The following GLIS3 variants were observed in gnomAD, a reference collection of about 807,000 sequenced individuals.
GLIS3 encodes GLIS family zinc finger 3, also known as zinc finger protein GLIS3.
In GLIS3, 53 loss-of-function variants were observed where a neutral mutation model predicts 78.6. The ratio of observed to expected loss-of-function variants is 0.67; its 90% CI spans 0.54 to 0.85. The LOEUF (loss-of-function observed/expected upper bound fraction) is 0.85, where lower values mean the gene tolerates loss of function less well. Among genes scored for constraint, GLIS3 ranks in the 40% least tolerant of loss-of-function variants. The probability of loss-of-function intolerance (pLI) is 0.00; values close to 1 mark genes in which losing one functional copy is unlikely to be tolerated. For synonymous variants in GLIS3, 684 were observed against 509.9 expected (o/e 1.34, Z -4.60); for missense variants, 1,703 against 1,231.1 (o/e 1.38, Z -5.74).
intron 9 of GLIS3, among the ~76,000 whole-genome samples, chr9:3,831,411 C>G (rs534064602): frequency 2.6e-5 from 4 of 152,248 alleles, no homozygotes; most frequent in African/African-American, 7.2e-5. Context: ...CAAATCAAAA[C>G]AATGATAAAA....
chr9:3,965,040 C>T (rs1267477225), intron 4 of GLIS3, among the ~76,000 whole-genome samples: 1 of 151,960 alleles, frequency 6.6e-6, no homozygotes, highest in African/African-American at 2.4e-5. Flanking sequence ...AAATAAAATA[C>T]TCTGAGGGCC....
At chr9:3,986,792 C>A (rs1229415854) in intron 4 of GLIS3, among the ~76,000 whole-genome samples, 1 of 152,256 alleles carries the variant, frequency 6.6e-6, no homozygotes, top group Non-Finnish European at 1.5e-5. Context: ...CCCTTGGAAG[C>A]ACAGCCCACT....
intron 9 of GLIS3, among the ~76,000 whole-genome samples, chr9:3,844,528 G>C (rs544740761): frequency 3.2e-4 from 49 of 152,288 alleles, no homozygotes; most frequent in African/African-American, 1.1e-3. Context: ...GAAAGAAAAA[G>C]TGCTAAGTCT....
At chr9:3,835,827 C>T (rs1348076452) in intron 9 of GLIS3, among the ~76,000 whole-genome samples, 1 of 152,156 alleles carries the variant, frequency 6.6e-6, no homozygotes, top group Non-Finnish European at 1.5e-5. Context: ...ATTTACTTGA[C>T]AACTATTCAC....
At chr9:4,178,575 A>G (rs1463722292) in intron 2 of GLIS3, among the ~76,000 whole-genome samples, 1 of 152,264 alleles carries the variant, frequency 6.6e-6, no homozygotes, top group Non-Finnish European at 1.5e-5. Flanking sequence ...GGCTTGACCT[A>G]CATATACCTT....
chr9:4,297,323 G>A (rs988408183), intron 1 of GLIS3, among the ~76,000 whole-genome samples: 1 of 152,158 alleles, frequency 6.6e-6, no homozygotes, highest in Admixed American at 6.5e-5. Context: ...GAACTTTAAG[G>A]GTCTGCGACA....
At chr9:4,333,238 G>GACGGGAAGGAAAGGAAA (rs1554659424) in intron 2 of GLIS3, among the ~76,000 whole-genome samples, 1 of 145,308 alleles carries the variant, frequency 6.9e-6, no homozygotes, top group African/African-American at 2.6e-5. Flanking sequence ...AGGAAAAGTG[G>GACGGGAAGGAAAGGAAA]AGGGGAAGGA....
upstream of GLIS3, among the ~76,000 whole-genome samples, chr9:4,350,370 G>C (rs1050720210): frequency 7.9e-5 from 12 of 152,258 alleles, no homozygotes; most frequent in Admixed American, 2.6e-4. Context: ...ACATTTACTG[G>C]ATTTGACTTA....
intron 4 of GLIS3, among the ~76,000 whole-genome samples, chr9:4,065,094 T>C (rs956994096): frequency 1.3e-5 from 2 of 152,210 alleles, no homozygotes; most frequent in African/African-American, 4.8e-5. Context: ...GTCAAGAGTA[T>C]AGAGCTGGCT....
chr9:4,018,394 G>A (rs1020929023), intron 4 of GLIS3, among the ~76,000 whole-genome samples: 6 of 152,148 alleles, frequency 3.9e-5, no homozygotes, highest in Admixed American at 2.6e-4. Context: ...AAGTCACTAA[G>A]GAAGAAAGCA....
At chr9:4,363,975 G>A in the GLIS3 span, among the ~76,000 whole-genome samples, 19 of 152,170 alleles carry the variant, frequency 1.2e-4, no homozygotes, top group South Asian at 2.1e-4. Context: ...TCAAGAGTTC[G>A]CAATCTTTGG....
intron 4 of GLIS3, among the ~76,000 whole-genome samples, chr9:4,072,342 G>A (rs1384531407): frequency 6.6e-6 from 1 of 152,130 alleles, no homozygotes; most frequent in African/African-American, 2.4e-5. Context: ...ACTGTGAAAA[G>A]ATTCAAACTA....
chr9:3,992,265 T>C (rs994210938), intron 4 of GLIS3, among the ~76,000 whole-genome samples: 1 of 152,200 alleles, frequency 6.6e-6, no homozygotes, highest in Non-Finnish European at 1.5e-5. Context: ...AAGTAATTTT[T>C]TGGGGAAAAA....
intron 8 of GLIS3, among the ~76,000 whole-genome samples, chr9:3,869,522 G>A (rs192531866): frequency 6.6e-6 from 1 of 152,338 alleles, no homozygotes; most frequent in East Asian, 1.9e-4. Context: ...TTGTGTGCCT[G>A]AATGTATATA....
chr9:4,470,167 C>T, the GLIS3 span, among the ~76,000 whole-genome samples: 1 of 152,266 alleles, frequency 6.6e-6, no homozygotes, highest in South Asian at 2.1e-4. Flanking sequence ...CCGAATTCTA[C>T]CAGAGGTACA....
At chr9:4,397,016 CTTTTT>C in the GLIS3 span, among the ~76,000 whole-genome samples, 2 of 133,358 alleles carry the variant, frequency 1.5e-5, no homozygotes, top group African/African-American at 6.0e-5. Flanking sequence ...ATCCTTTTTT[CTTTTT>C]TTCTTTTTTT....
chr9:4,025,622 G>A (rs1388075531), intron 4 of GLIS3, among the ~76,000 whole-genome samples: 1 of 152,092 alleles, frequency 6.6e-6, no homozygotes, highest in East Asian at 1.9e-4. Flanking sequence ...TCCTGACCTT[G>A]TGATCCGCCC....
intron 4 of GLIS3, among the ~76,000 whole-genome samples, chr9:3,985,845 T>G (rs1452487686): frequency 6.6e-6 from 1 of 152,242 alleles, no homozygotes; most frequent in African/African-American, 2.4e-5. Context: ...AACAATCTAC[T>G]TTTGTAAAAG....
chr9:4,260,917 G>A (rs1470552783), intron 2 of GLIS3, among the ~76,000 whole-genome samples: 1 of 152,148 alleles, frequency 6.6e-6, no homozygotes, highest in Non-Finnish European at 1.5e-5. Flanking sequence ...TAGCTACTGA[G>A]CAACAGAAAT....
Sources: allele counts gnomAD v4.1 joint callset (sites outside exome capture counted in the v4.1 genomes callset), GRCh38; gene constraint gnomAD v4.1.1; transcripts MANE v1.5; gene names NCBI Gene and HGNC (gene_info 2026-07-23, HGNC 2026-07-21).